Variants in SGCZ observed in about 807,000 individuals in gnomAD.
The protein encoded by SGCZ is zeta-sarcoglycan.
In SGCZ, 40 loss-of-function variants were observed where a neutral mutation model predicts 41.3. The observed-to-expected ratio is 0.97, with a 90% confidence interval of 0.75 to 1.26. The LOEUF (loss-of-function observed/expected upper bound fraction) is 1.26, where lower values mean the gene tolerates loss of function less well. Among genes scored for constraint, SGCZ ranks in the 50% most tolerant of loss-of-function variants. The probability of loss-of-function intolerance (pLI) is 0.00; values close to 1 mark genes in which losing one functional copy is unlikely to be tolerated. For missense variants in SGCZ, 552 were observed against 369.8 expected, an observed-to-expected ratio of 1.49 and a Z score of -4.04; for synonymous variants, 206 against 137.5, an observed-to-expected ratio of 1.50 and a Z score of -3.49.
intron 3 of SGCZ, among the ~76,000 whole-genome samples, chr8:14,253,094 G>T (rs1223012419): frequency 1.3e-5 from 2 of 152,114 alleles, no homozygotes; most frequent in Non-Finnish European, 2.9e-5. Context: ...GAGTATGGAG[G>T]TAAGGGTTGA....
intron 1 of SGCZ, among the ~76,000 whole-genome samples, chr8:14,792,366 A>C (rs2130472822): frequency 6.6e-6 from 1 of 152,202 alleles, no homozygotes; most frequent in East Asian, 1.9e-4. Flanking sequence ...ACTCTTTATC[A>C]AGTCCCCTTT....
At chr8:14,697,126 C>A (rs924759957) in intron 1 of SGCZ, among the ~76,000 whole-genome samples, 1 of 151,934 alleles carries the variant, frequency 6.6e-6, no homozygotes, top group African/African-American at 2.4e-5. Context: ...CCTGGTATAA[C>A]AAAACATTAT....
intron 1 of SGCZ, among the ~76,000 whole-genome samples, chr8:14,774,132 T>C (rs1010924234): frequency 7.2e-5 from 11 of 152,160 alleles, no homozygotes; most frequent in Non-Finnish European, 1.3e-4. Flanking sequence ...CCCTCCATAA[T>C]GTGGGTTAGC....
At chr8:14,126,092 C>T (rs904588395) in intron 5 of SGCZ, among the ~76,000 whole-genome samples, 1 of 152,080 alleles carries the variant, frequency 6.6e-6, no homozygotes, top group Non-Finnish European at 1.5e-5. Flanking sequence ...GGTGACATAG[C>T]CAAAAGCAAT....
intron 1 of SGCZ, among the ~76,000 whole-genome samples, chr8:14,758,779 C>T (rs1042626622): frequency 3.3e-5 from 5 of 152,172 alleles, no homozygotes; most frequent in Non-Finnish European, 5.9e-5. Flanking sequence ...GAGGCCGAGG[C>T]GGGTGGATCA....
At chr8:14,172,127 A>T (rs1804401258) in intron 4 of SGCZ, among the ~76,000 whole-genome samples, 1 of 152,180 alleles carries the variant, frequency 6.6e-6, no homozygotes, top group African/African-American at 2.4e-5. Context: ...TAAAGCTCTT[A>T]TATAACAAAT....
At chr8:14,139,133 T>C (rs1006423862) in intron 5 of SGCZ, among the ~76,000 whole-genome samples, 12 of 152,140 alleles carry the variant, frequency 7.9e-5, no homozygotes. Context: ...AAGATGTTCT[T>C]TGAAACCAAT....
chr8:14,647,978 C>A (rs1323202733), intron 1 of SGCZ, among the ~76,000 whole-genome samples: 1 of 151,962 alleles, frequency 6.6e-6, no homozygotes, highest in Non-Finnish European at 1.5e-5. Flanking sequence ...ACCAGAAGCA[C>A]ACCTGGAGTG....
At chr8:14,246,209 A>C (rs576555261) in intron 3 of SGCZ, among the ~76,000 whole-genome samples, 327 of 152,366 alleles carry the variant, frequency 2.1e-3, no homozygotes, top group Non-Finnish European at 4.2e-3. Flanking sequence ...AATGTCCAAC[A>C]ATGATAGACT....
chr8:15,083,726 G>A (rs764343931), intron 1 of SGCZ, among the ~76,000 whole-genome samples: 8 of 152,026 alleles, frequency 5.3e-5, no homozygotes, highest in Middle Eastern at 3.4e-3. Context: ...TTGTTTTGGC[G>A]TCTGCTGTTT....
At chr8:14,239,018 GA>G (rs202102498) in intron 3 of SGCZ, among the ~76,000 whole-genome samples, 5,334 of 149,474 alleles carry the variant, frequency 0.036, 106 homozygotes, top group African/African-American at 0.055. Context: ...AGATTTAAAA[GA>G]AAAAAAAGTC....
At chr8:15,205,941 T>C (rs1801046683) in intron 1 of SGCZ, among the ~76,000 whole-genome samples, 1 of 152,140 alleles carries the variant, frequency 6.6e-6, no homozygotes. Flanking sequence ...TGTGGGAACA[T>C]GGGTGAAGCT....
chr8:14,391,477 G>C (rs374431582), intron 2 of SGCZ, among the ~76,000 whole-genome samples: 2 of 152,170 alleles, frequency 1.3e-5, no homozygotes, highest in South Asian at 2.1e-4. Context: ...CCCAGATTTT[G>C]TATTCCGGCC....
chr8:14,649,861 T>G (rs913606931), intron 1 of SGCZ, among the ~76,000 whole-genome samples: 2 of 151,784 alleles, frequency 1.3e-5, no homozygotes, highest in Non-Finnish European at 2.9e-5. Flanking sequence ...TGGATCTGAG[T>G]CCTCATGGAA....
intron 1 of SGCZ, among the ~76,000 whole-genome samples, chr8:14,560,019 G>A (rs1242567238): frequency 1.3e-5 from 2 of 152,042 alleles, no homozygotes; most frequent in African/African-American, 2.4e-5. Context: ...GAAATTTCAA[G>A]GTTCTGACAG....
intron 2 of SGCZ, among the ~76,000 whole-genome samples, chr8:14,350,435 T>C (rs941395228): frequency 1.3e-5 from 2 of 152,126 alleles, no homozygotes; most frequent in Non-Finnish European, 2.9e-5. Context: ...AATCATTCTG[T>C]TGCTACTGAA....
chr8:14,379,431 C>T (rs907545511), intron 2 of SGCZ, among the ~76,000 whole-genome samples: 1 of 152,204 alleles, frequency 6.6e-6, no homozygotes, highest in South Asian at 2.1e-4. Flanking sequence ...TTTGCAAAAC[C>T]TATATGAGGT....
intron 1 of SGCZ, among the ~76,000 whole-genome samples, chr8:15,021,420 G>A (rs375166004): frequency 3.9e-5 from 6 of 152,248 alleles, no homozygotes; most frequent in Non-Finnish European, 7.4e-5. Context: ...CCTCACTTAC[G>A]TGGCTATTAC....
chr8:14,973,292 G>A (rs1019932193), intron 1 of SGCZ, among the ~76,000 whole-genome samples: 1 of 152,110 alleles, frequency 6.6e-6, no homozygotes, highest in African/African-American at 2.4e-5. Flanking sequence ...CTTTGGCTGG[G>A]TGGGAGCTTA....
Sources: gnomAD v4.1 joint callset for allele counts (sites outside exome capture counted in the v4.1 genomes callset) on GRCh38, gnomAD v4.1.1 for gene constraint, MANE v1.5 for transcripts, NCBI Gene and HGNC (gene_info 2026-07-23, HGNC 2026-07-21) for gene names.